Variants in SUCLA2 observed in about 807,000 individuals in gnomAD.
SUCLA2 encodes succinate-CoA ligase ADP-forming subunit beta.
In SUCLA2, 30 loss-of-function variants were observed where a neutral mutation model predicts 54.8. That is an observed-to-expected ratio of 0.55 (90% confidence interval 0.41 to 0.74). The LOEUF (loss-of-function observed/expected upper bound fraction) is 0.74, where lower values mean the gene tolerates loss of function less well. Ranked by LOEUF, SUCLA2 falls within the 30% of genes least tolerant of loss-of-function variation. The pLI, the probability that SUCLA2 is intolerant of heterozygous loss-of-function variation, is 0.00. For missense variants in SUCLA2, 476 were observed against 562.9 expected (o/e 0.85, Z 1.56); for synonymous variants, 172 against 188.9 (o/e 0.91, Z 0.74).
At chr13:47,954,915 A>G (rs1441406268) in intron 6 of SUCLA2, among the ~76,000 whole-genome samples, 1 of 152,078 alleles carries the variant, frequency 6.6e-6, no homozygotes, top group Non-Finnish European at 1.5e-5. Flanking sequence ...CTACTCAAAA[A>G]TAATGTTCCA....
chr13:47,960,674 A>T (rs1186798957), intron 6 of SUCLA2, among the ~76,000 whole-genome samples: 1 of 152,126 alleles, frequency 6.6e-6, no homozygotes, highest in Admixed American at 6.5e-5. Flanking sequence ...CATTATTAAA[A>T]TTAAGTGACA....
intron 5 of SUCLA2, chr13:47,972,146 T>A: frequency 3.2e-6 from 1 of 315,572 alleles, no homozygotes; most frequent in Non-Finnish European, 5.8e-6. Flanking sequence ...TCCCAGCTAG[T>A]CGGTAGGCTG....
rs568588777 is a variant in SUCLA2, at chr13:47,951,555, AAAAACTGAAAAC to A, written c.1108-1964_1108-1953del. ...CTTATTCAGGGAAAAGTAAAAAAGTAAAAACTGAAAACAAAACTGGAAACACTAGCATAACCT... is the reference window on the plus strand; with the variant it reads ...CTTATTCAGGGAAAAGTAAAAAAGTAAAAACTGGAAACACTAGCATAACCT... On this transcript the variant is annotated intron_variant, in intron 8 of 10. Transcript: ENST00000646932. 5.6e-3 allele frequency among the ~76,000 whole-genome samples: 848 copies of A among 152,308 alleles called. 5 individuals carry two copies. Among genetic ancestry groups the A allele is most frequent in the African/African-American group, 0.019 (780 of 41,574 alleles).
At chr13:47,950,351 A>G in intron 8 of SUCLA2, among the ~76,000 whole-genome samples, 1 of 152,184 alleles carries the variant, frequency 6.6e-6, no homozygotes, top group South Asian at 2.1e-4. Flanking sequence ...TTCTGTTTCT[A>G]AGTCCCTATA....
intron 6 of SUCLA2, 148 bp downstream of exon 6, chr13:47,968,447 G>T: frequency 2.3e-6 from 2 of 872,762 alleles, no homozygotes; most frequent in Non-Finnish European, 3.5e-6. Flanking sequence ...TTTAATATTT[G>T]TTCATATTCA....
intron 4 of SUCLA2, among the ~76,000 whole-genome samples, chr13:47,983,800 T>C (rs1173778723): frequency 6.6e-6 from 1 of 152,190 alleles, no homozygotes; most frequent in Admixed American, 6.5e-5. Context: ...CTTTTCATTT[T>C]AGTTTTACTC....
chr13:47,952,462 A>G (rs146420446), intron 8 of SUCLA2, among the ~76,000 whole-genome samples: 62 of 152,196 alleles, frequency 4.1e-4, no homozygotes, highest in African/African-American at 1.4e-3. Flanking sequence ...ACCACAATCC[A>G]AACTTGACAT....
chr13:48,001,144 C>T, intron 1 of SUCLA2, 36 bp downstream of exon 1: 1 of 1,584,278 alleles, frequency 6.3e-7, no homozygotes, highest in Non-Finnish European at 8.6e-7. Context: ...TTTCTCCTGC[C>T]GACCCTCGAG....
At chr13:47,951,329 A>G (rs1949774211) in intron 8 of SUCLA2, among the ~76,000 whole-genome samples, 1 of 39,534 alleles carries the variant, frequency 2.5e-5, no homozygotes, top group African/African-American at 8.4e-5. Flanking sequence ...CCCGCTCCCA[A>G]GAAAAAGCCT....
intron 4 of SUCLA2, among the ~76,000 whole-genome samples, chr13:47,980,854 C>T (rs1950055953): frequency 6.6e-6 from 1 of 152,114 alleles, no homozygotes; most frequent in South Asian, 2.1e-4. Context: ...AAAGAACAGT[C>T]TCTTCAACAA....
rs538290972 is a variant in SUCLA2, at chr13:47,966,551, T to G, written c.802+2044A>C. Among the ~76,000 whole-genome samples, 79 of 148,546 alleles carry G rather than the reference T, an allele frequency of 5.3e-4. 1 individual carries two copies. In the Middle Eastern group the frequency reaches 0.021, roughly 40 times the overall value. On this transcript the variant is annotated intron_variant, in intron 6 of 10. Transcript: ENST00000646932. ...AAAAAAAAAAAAAAAAGGCAAAAAC[T>G]GCAATTACTTTTGCACCAACCTAAA...
intron 2 of SUCLA2, among the ~76,000 whole-genome samples, chr13:47,992,808 C>A (rs1333984724): frequency 2.6e-5 from 4 of 152,202 alleles, no homozygotes; most frequent in Non-Finnish European, 5.9e-5. Flanking sequence ...TTAGAAATCT[C>A]CCTCCGGGCT....
chr13:47,960,072 T>A (rs1012826133), intron 6 of SUCLA2, among the ~76,000 whole-genome samples: 1 of 152,126 alleles, frequency 6.6e-6, no homozygotes, highest in Non-Finnish European at 1.5e-5. Flanking sequence ...ATGTGGTTTT[T>A]TTGGGAGGTT....
intron 8 of SUCLA2, among the ~76,000 whole-genome samples, chr13:47,950,900 A>T (rs973495210): frequency 6.6e-6 from 1 of 152,178 alleles, no homozygotes; most frequent in Non-Finnish European, 1.5e-5. Flanking sequence ...GGGGTGAGAC[A>T]CACTGAGCTA....
At chr13:47,968,285 G>A (rs1416452129) in intron 6 of SUCLA2, among the ~76,000 whole-genome samples, 1 of 152,156 alleles carries the variant, frequency 6.6e-6, no homozygotes, top group Non-Finnish European at 1.5e-5. Context: ...TAAATCTTAT[G>A]TAACTTTAAT....
At chr13:47,950,973 T>C (rs1949770953) in intron 8 of SUCLA2, among the ~76,000 whole-genome samples, 1 of 152,184 alleles carries the variant, frequency 6.6e-6, no homozygotes, top group African/African-American at 2.4e-5. Flanking sequence ...AGCTCTGGAA[T>C]TCATAACAGA....
At chr13:47,965,815 G>A (rs1469008005) in intron 6 of SUCLA2, among the ~76,000 whole-genome samples, 4 of 152,176 alleles carry the variant, frequency 2.6e-5, no homozygotes, top group Admixed American at 6.5e-5. Flanking sequence ...TTCGGAGGCC[G>A]AGGCAGGCAG....
At chr13:47,960,741 T>C (rs1387718962) in intron 6 of SUCLA2, among the ~76,000 whole-genome samples, 1 of 152,120 alleles carries the variant, frequency 6.6e-6, no homozygotes, top group Non-Finnish European at 1.5e-5. Flanking sequence ...TGACTTTTGA[T>C]CCCAAGAAGT....
intron 6 of SUCLA2, among the ~76,000 whole-genome samples, chr13:47,958,376 G>C (rs2137699980): frequency 6.6e-6 from 1 of 152,236 alleles, no homozygotes; most frequent in Admixed American, 6.5e-5. Flanking sequence ...TACATGTCTA[G>C]ATGTGTTTAT....
Sources: allele counts gnomAD v4.1 joint callset (sites outside exome capture counted in the v4.1 genomes callset), GRCh38; gene constraint gnomAD v4.1.1; transcripts MANE v1.5; gene names NCBI Gene and HGNC (gene_info 2026-07-23, HGNC 2026-07-21).